DNAH6: variants seen among roughly 807,000 people sequenced by gnomAD.
The protein encoded by DNAH6 is dynein axonemal heavy chain 6, also known as axonemal beta dynein heavy chain 6.
Under a neutral mutation model 491.4 loss-of-function variants are expected in DNAH6, and 340 were observed. The observed-to-expected ratio is 0.69, with a 90% confidence interval of 0.63 to 0.76. The LOEUF (loss-of-function observed/expected upper bound fraction) is 0.76, where lower values mean the gene tolerates loss of function less well. DNAH6 is among the 30% of genes least tolerant of loss of function. The pLI is 0.00. For missense variants in DNAH6, 4,443 were observed against 4,972.2 expected (o/e 0.89, Z 3.20); for synonymous variants, 1,603 against 1,686.1 (o/e 0.95, Z 1.21).
the DNAH6 span, among the ~76,000 whole-genome samples, chr2:84,510,083 G>A: frequency 1.3e-5 from 2 of 152,254 alleles, no homozygotes; most frequent in Middle Eastern, 3.4e-3. Context: ...GAGTATCTTT[G>A]TGGTGTTCTC....
intron 61 of DNAH6, 25 bp downstream of exon 61, chr2:84,727,927 G>A (rs1003935685): frequency 1.4e-6 from 2 of 1,422,606 alleles, no homozygotes; most frequent in African/African-American, 2.8e-5. Context: ...TTTAGGTGAT[G>A]ATTGATATGG....
chr2:84,707,218 G>A (rs550054112), intron 53 of DNAH6, among the ~76,000 whole-genome samples, 199 bp downstream of exon 53: 1 of 152,254 alleles, frequency 6.6e-6, no homozygotes, highest in Non-Finnish European at 1.5e-5. Context: ...AGCATGTTAC[G>A]TTAAAACACA....
chr2:84,799,983 T>C (rs1678735699), intron 70 of DNAH6, among the ~76,000 whole-genome samples: 1 of 152,230 alleles, frequency 6.6e-6, no homozygotes. Flanking sequence ...CATGCTTCTC[T>C]GTTGCCTCCA....
In DNAH6 at chr2:84,703,563, G is replaced by C. The variant is rs1696136225; in HGVS notation, c.8229+1G>C. 1 of 1,545,870 alleles carries C rather than the reference G, an allele frequency of 6.5e-7. No individual in the cohort carries two copies. On this transcript the variant is annotated splice_donor_variant, in intron 50 of 76. Transcript: ENST00000389394. LOFTEE classifies it high-confidence loss of function. Reference sequence around the variant, plus strand: ...AGTGGATCAAGAAAGTGCCGATCAGGTATGCTGCAGTTCCTGAGAATGTGG... The same window carrying C: ...AGTGGATCAAGAAAGTGCCGATCAGCTATGCTGCAGTTCCTGAGAATGTGG...
chr2:84,621,938 T>A (rs1042107251), intron 26 of DNAH6, among the ~76,000 whole-genome samples: 1 of 152,192 alleles, frequency 6.6e-6, no homozygotes, highest in Admixed American at 6.5e-5. Context: ...CTAATTCTAT[T>A]TCTGCTGTTT....
Position 84,709,530 on chromosome 2 carries a change from T to C in DNAH6, c.9236T>C (p.Ile3079Thr), listed in dbSNP as rs1696836628. 6.4e-7 allele frequency: 1 copy of C among 1,551,602 alleles called. No individual in the cohort carries two copies. Among genetic ancestry groups the C allele is most frequent in the African/African-American group, 1.4e-5 (1 of 73,036 alleles). The part of the protein sequence containing the change: ...VTQGRRWPLM[I>T]DPQDQANRWI... ...CAAGGCAGAAGATGGCCTTTGATGA[T>C]TGATCCCCAAGATCAGGTGTGTAGC... Residue 3079 changes from isoleucine (I) to threonine (T), a missense_variant, in exon 55 of 77, where the codon ATT (isoleucine) becomes ACT (threonine). Transcript: ENST00000389394.
chr2:84,679,715 A>G (rs1482048941), intron 41 of DNAH6, among the ~76,000 whole-genome samples: 1 of 152,222 alleles, frequency 6.6e-6, no homozygotes, highest in African/African-American at 2.4e-5. Flanking sequence ...GCTAATTTTA[A>G]TGTATGGATA....
chr2:84,696,272 A>G (rs1285459944), intron 46 of DNAH6, among the ~76,000 whole-genome samples: 1 of 151,932 alleles, frequency 6.6e-6, no homozygotes, highest in Non-Finnish European at 1.5e-5. Context: ...TTAAATTGTT[A>G]AAAGCATAAG....
chr2:84,485,249 G>T, the DNAH6 span, among the ~76,000 whole-genome samples: 416 of 152,206 alleles, frequency 2.7e-3, 1 homozygote, highest in African/African-American at 9.5e-3. Context: ...AAGAATTAGC[G>T]TATTAGTCTA....
chr2:84,727,632 T>G (rs1698761003), intron 60 of DNAH6, 37 bp from the exon 61 acceptor site: 1 of 1,315,934 alleles, frequency 7.6e-7, no homozygotes, highest in African/African-American at 1.5e-5. Flanking sequence ...GAGAATGAAT[T>G]AAATCAGAGA....
At position 84,630,924 on chromosome 2, in the gene DNAH6, C is replaced by T. The variant is rs558659083; in HGVS notation, c.4516-3580C>T. On this transcript the variant is annotated intron_variant, in intron 29 of 76. Coordinates refer to ENST00000389394, the MANE Select transcript of DNAH6 (RefSeq NM_001370.2). ...GCTGGGTGGCATATACCTTCTTTCA[C>T]CTCTTGTGTATGTTTGAAATTTTTC... 9.9e-5 allele frequency among the ~76,000 whole-genome samples: 15 copies of T among 152,222 alleles called. No individual in the cohort carries two copies. The South Asian group carries it at 2.9e-3, about 30-fold the overall frequency.
In DNAH6 at chr2:84,669,298, T is replaced by G. The variant is rs1355081380; in HGVS notation, c.6094T>G (p.Ser2032Ala). The G allele has an allele frequency of 6.5e-7, 1 of 1,550,242 alleles. No homozygotes were observed. The highest frequency in any genetic ancestry group is 8.7e-7 in the Non-Finnish European group (1 of 1,145,672). Residue 2032 changes from serine to alanine, a missense_variant, in exon 38 of 77, where the codon TCT becomes GCT. Ser to Ala is a moderately conservative substitution (Grantham distance 99). Coordinates refer to ENST00000389394, the MANE Select transcript of DNAH6 (RefSeq NM_001370.2). Reference sequence around the variant, plus strand: ...TAATTTTGTACTTTAGCTTCCCAATTCTGGTGATCTGTGGAGCATTCATAT... The same window carrying G: ...TAATTTTGTACTTTAGCTTCCCAATGCTGGTGATCTGTGGAGCATTCATAT... ...DDNPDARLPNSGDLWSIHMDF... is the reference protein window; with the variant it reads ...DDNPDARLPNAGDLWSIHMDF...
At chr2:84,691,133 T>C (rs1470595849) in intron 45 of DNAH6, among the ~76,000 whole-genome samples, 1 of 152,182 alleles carries the variant, frequency 6.6e-6, no homozygotes, top group East Asian at 1.9e-4. Flanking sequence ...GCTACTACAT[T>C]AGAGGATTCT....
the DNAH6 span, among the ~76,000 whole-genome samples, chr2:84,481,722 CA>C: frequency 6.6e-6 from 1 of 152,202 alleles, no homozygotes; most frequent in Non-Finnish European, 1.5e-5. Context: ...ATGCTTATGA[CA>C]ATCATAAGGA....
At chr2:84,629,607 G>A (rs918442946) in intron 29 of DNAH6, among the ~76,000 whole-genome samples, 7 of 152,122 alleles carry the variant, frequency 4.6e-5, no homozygotes, top group African/African-American at 1.7e-4. Flanking sequence ...GATTAATAGT[G>A]TTTTTAATAT....
intron 71 of DNAH6, among the ~76,000 whole-genome samples, chr2:84,807,294 T>G (rs1266413331): frequency 6.6e-6 from 1 of 152,196 alleles, no homozygotes; most frequent in Non-Finnish European, 1.5e-5. Context: ...CAAGAAGGAA[T>G]TTGATACATG....
chr2:84,619,326 G>A (rs2104389716), intron 23 of DNAH6, among the ~76,000 whole-genome samples: 1 of 152,280 alleles, frequency 6.6e-6, no homozygotes, highest in Non-Finnish European at 1.5e-5. Flanking sequence ...GACATACTAG[G>A]CTACATTTTA....
At position 84,621,299 on chromosome 2, in the gene DNAH6, G is replaced by T. The variant is rs148175693; in HGVS notation, c.3901G>T (p.Ala1301Ser). 2.6e-6 allele frequency: 4 copies of T among 1,551,458 alleles called. No homozygotes were observed. In the African/African-American group the frequency reaches 5.5e-5, roughly 21 times the overall value. ...SLRRLCKAAI[A>S]DYQGKLRTDW... ...GCGTCGCCTGTGCAAAGCTGCCATC[G>T]CTGACTATCAGGGGAAACTGAGGAC... The change falls in exon 25 of 77, where the codon GCT (alanine) becomes TCT (serine). Residue 1301 changes from alanine to serine, a missense_variant. Ala to Ser is a moderately conservative substitution (Grantham distance 99). Coordinates refer to ENST00000389394, the MANE Select transcript of DNAH6 (RefSeq NM_001370.2).
At chr2:84,708,475 A>AGGGGGG (rs137904290) in intron 54 of DNAH6, among the ~76,000 whole-genome samples, 1 of 49,674 alleles carries the variant, frequency 2.0e-5, no homozygotes, top group Non-Finnish European at 3.6e-5. Flanking sequence ...AAAGAGAGAA[A>AGGGGGG]GGGGGGGGGG....
Sources: allele counts gnomAD v4.1 joint callset (sites outside exome capture counted in the v4.1 genomes callset), GRCh38; gene constraint gnomAD v4.1.1; transcripts MANE v1.5; gene names NCBI Gene and HGNC (gene_info 2026-07-23, HGNC 2026-07-21).